Variants in PRAMEF11 observed in about 807,000 individuals in gnomAD.
PRAMEF11 encodes PRAME family member 11.
In PRAMEF11, 17 loss-of-function variants were observed where a neutral mutation model predicts 33.6. The observed-to-expected ratio is 0.51, with a 90% CI of 0.35 to 0.76. The LOEUF is 0.76. PRAMEF11 is among the 30% of genes least tolerant of loss of function. PRAMEF11 has a pLI of 0.01. For synonymous variants in PRAMEF11, 205 were observed against 227.3 expected, an observed-to-expected ratio of 0.90 and a Z score of 0.88; for missense variants, 568 against 567.0, an observed-to-expected ratio of 1.00 and a Z score of -0.02.
intron 2 of PRAMEF11, among the ~76,000 whole-genome samples, chr1:12,828,136 C>G (rs1291957766): frequency 5.3e-5 from 8 of 149,760 alleles, no homozygotes; most frequent in African/African-American, 1.7e-4. Context: ...CAGGAACCCA[C>G]CACCATGCCC....
rs954492015 is a variant in PRAMEF11, at chr1:12,828,428, C to G, written c.293+69G>C. 37 of 1,518,168 alleles carry G rather than the reference C, an allele frequency of 2.4e-5. No homozygotes were observed. The Admixed American group carries it at 6.7e-4, about 27-fold the overall frequency. The allele number at this position is 1,518,168 out of a possible 1,614,324, so 94.0% of individuals were successfully genotyped here. A position where few individuals can be genotyped will look rare whatever the true frequency, so the allele number is the denominator to read the frequency against. ...CCATCCCCCTTGGGCCTCCTCACTT[C>G]ACATGACCCAGCTGTTCCTTCAGTT... On this transcript the variant is annotated intron_variant, in intron 2 of 3. Coordinates refer to ENST00000619922, the MANE Select transcript of PRAMEF11 (RefSeq NM_001146344.3).
In PRAMEF11 at chr1:12,827,596, C is replaced by T. The variant is rs1447615796; in HGVS notation, c.528G>A (p.Arg176=). 1.2e-6 allele frequency: 2 copies of T among 1,609,386 alleles called. No homozygotes were observed. Among genetic ancestry groups the T allele is most frequent in the Admixed American group, 3.4e-5 (2 of 59,572 alleles). Residue 176 remains arginine, a synonymous_variant, in exon 3 of 4, where the codon AGG becomes AGA. Coordinates refer to ENST00000619922, the MANE Select transcript of PRAMEF11 (RefSeq NM_001146344.3). ...TACAGCACAGGTGTAGTAAATCTCT[C>T]CTCTGCTTGACCCATAGAAGGAGGC... is the stretch of plus-strand genomic sequence containing the variant. ...LTCLLLWVKQ[R]RDLLHLCCKK...
Position 12,829,800 on chromosome 1 carries a change from G to A in PRAMEF11, c.-16-995C>T, listed in dbSNP as rs565881881. Among the ~76,000 whole-genome samples, 3 of 151,220 alleles carry A rather than the reference G, an allele frequency of 2.0e-5. No individual in the cohort carries two copies. In the South Asian group the frequency reaches 6.4e-4, roughly 32 times the overall value. On this transcript the variant is annotated intron_variant, in intron 1 of 3. Transcript: ENST00000619922. ...AGGTAGGAGGATCACTTGAACCCAG[G>A]AGGCAGAAGTTGCAGTGAGCTGACA...
intron 1 of PRAMEF11, among the ~76,000 whole-genome samples, chr1:12,830,999 C>A (rs1407292969): frequency 2.3e-5 from 3 of 132,280 alleles, no homozygotes; most frequent in African/African-American, 5.6e-5. Context: ...TCCCCACCCT[C>A]AAAAAAAAAA....
intron 2 of PRAMEF11, 135 bp from the exon 3 acceptor site, chr1:12,827,965 T>G: frequency 6.7e-7 from 1 of 1,497,212 alleles, no homozygotes. Context: ...GTTTTCCCCT[T>G]GGATCCTACC....
At chr1:12,826,513 G>T (rs1225053876) in intron 3 of PRAMEF11, among the ~76,000 whole-genome samples, 2 of 151,104 alleles carry the variant, frequency 1.3e-5, no homozygotes, top group Non-Finnish European at 3.0e-5. Flanking sequence ...TATAATCCCA[G>T]CACTTTGGGA....
Position 12,827,813 on chromosome 1 carries a change from A to G in PRAMEF11, c.311T>C (p.Val104Ala), listed in dbSNP as rs1176291207. ...CTCACAGACATCCTGTAAATCCAGC[A>G]CTTGAAGTTTCCATCTCCTGTGGGA... ...GVRPRRWKLQ[V>A]LDLQDVCENF... The change falls in exon 3 of 4, where the codon GTG (valine) becomes GCG (alanine). Residue 104 changes from valine (V) to alanine (A), a missense_variant. Transcript: ENST00000619922. The G allele has an allele frequency of 1.2e-5, 20 of 1,607,318 alleles. 1 individual carries two copies. The highest frequency in any genetic ancestry group is 1.5e-5 in the Non-Finnish European group (18 of 1,177,826).
Position 12,826,595 on chromosome 1 carries a change from C to G in PRAMEF11, c.875+654G>C, listed in dbSNP as rs1639872378. On this transcript the variant is annotated intron_variant, in intron 3 of 3. Transcript: ENST00000619922. ...TGGCCAAAATGGTGAAAACCTGTCT[C>G]TACTTAAAATATAAAAATTAGCCAG... Among the ~76,000 whole-genome samples, 8 of 151,074 alleles carry G rather than the reference C, an allele frequency of 5.3e-5. No individual in the cohort carries two copies. The South Asian group carries it at 1.7e-3, about 32-fold the overall frequency.
intron 1 of PRAMEF11, among the ~76,000 whole-genome samples, chr1:12,829,447 C>A (rs1389284070): frequency 1.3e-5 from 2 of 150,716 alleles, no homozygotes; most frequent in Non-Finnish European, 3.0e-5. Context: ...TGTCACCCAG[C>A]CTGGAGTGTA....
At chr1:12,829,726 A>T (rs1300176713) in intron 1 of PRAMEF11, among the ~76,000 whole-genome samples, 2 of 151,256 alleles carry the variant, frequency 1.3e-5, no homozygotes, top group African/African-American at 2.4e-5. Context: ...TGAAAATTTC[A>T]GTGAGATGCA....
rs756514383 is a variant in PRAMEF11 at position 12,827,592 on chromosome 1, C to T, written c.532G>A (p.Asp178Asn). The T allele has an allele frequency of 2.5e-6, 4 of 1,609,482 alleles. No individual in the cohort carries two copies. The highest frequency in any genetic ancestry group is 4.5e-5 in the East Asian group (2 of 44,382). The change falls in exon 3 of 4, where the codon GAT (aspartate) becomes AAT (asparagine). Residue 178 changes from aspartate to asparagine, a missense_variant. Physicochemically the swap from Asp to Asn is conservative, Grantham distance 23 (BLOSUM62 1). This residue lies in a region of PRAMEF11 where 342 missense variants were observed against 312.0 expected (regional missense o/e 1.10). Transcript: ENST00000619922. ...CLLLWVKQRR[D>N]LLHLCCKKLK... ...TTCTTACAGCACAGGTGTAGTAAAT[C>T]TCTCCTCTGCTTGACCCATAGAAGG...
rs377190359 is a variant in PRAMEF11 at position 12,825,199 on chromosome 1, T to C, written c.1180A>G (p.Met394Val). ...TFSFCGNPIC[M>V]ATLENLLSHT... ...CTCAGCAGGTTCTCCAGGGTGGCCATGCAGATGGGATTTCCACAGAAGCTG... is the reference window on the plus strand; with the variant it reads ...CTCAGCAGGTTCTCCAGGGTGGCCACGCAGATGGGATTTCCACAGAAGCTG... The change falls in exon 4 of 4, where the codon ATG (methionine) becomes GTG (valine). Residue 394 changes from methionine (M) to valine (V), a missense_variant. By Grantham distance (21) the Met-to-Val change is conservative. Coordinates refer to ENST00000619922, the MANE Select transcript of PRAMEF11 (RefSeq NM_001146344.3). 1.9e-6 allele frequency: 3 copies of C among 1,607,930 alleles called. No homozygotes were observed. The highest frequency in any genetic ancestry group is 2.5e-6 in the Non-Finnish European group (3 of 1,177,666).
At chr1:12,830,029 T>C (rs201683436) in intron 1 of PRAMEF11, among the ~76,000 whole-genome samples, 2 of 151,482 alleles carry the variant, frequency 1.3e-5, no homozygotes, top group Non-Finnish European at 2.9e-5. Flanking sequence ...ACTCATTCAC[T>C]GATTCCCTTC....
Position 12,825,032 on chromosome 1 carries a change from G to A in PRAMEF11, c.1347C>T (p.His449=), listed in dbSNP as rs758677163. The A allele has an allele frequency of 1.1e-4, 184 of 1,609,626 alleles. 11 individuals are homozygous for A. In the Admixed American group the frequency reaches 3.0e-3, roughly 27 times the overall value. ...ELMKKVRHLR[H]PKRILFCTDN... ...CAGTACAGAACAAGATCCTCTTGGGGTGCCTTAAGTGCCTCACTTTCTTCA... is the reference window on the plus strand; with the variant it reads ...CAGTACAGAACAAGATCCTCTTGGGATGCCTTAAGTGCCTCACTTTCTTCA... The change falls in exon 4 of 4, where the codon CAC becomes CAT. Residue 449 remains histidine (H), a synonymous_variant. Coordinates refer to ENST00000619922, the MANE Select transcript of PRAMEF11 (RefSeq NM_001146344.3).
intron 2 of PRAMEF11, 84 bp from the exon 3 acceptor site, chr1:12,827,914 C>A: frequency 6.3e-7 from 1 of 1,587,972 alleles, no homozygotes; most frequent in Non-Finnish European, 8.5e-7. Flanking sequence ...AGCTCCTCCC[C>A]TCCCTGCTTG....
chr1:12,825,972 A>T (rs77298878), intron 3 of PRAMEF11, among the ~76,000 whole-genome samples: 3 of 55,948 alleles, frequency 5.4e-5, no homozygotes, highest in Non-Finnish European at 1.1e-4. Context: ...ATACTCTATT[A>T]AAAAAAAAAA....
rs761683274 is a variant in PRAMEF11 at position 12,828,538 on chromosome 1, G to A, written c.252C>T (p.Leu84=). ...MPCLEAFQAV[L]DGLDALLTQG... is the part of the protein sequence containing the mutation. ...GGGTAAGCAGTGCATCCAGCCCATC[G>A]AGCACAGCTTGGAAGGCCTCCAGAC... The change falls in exon 2 of 4, where the codon CTC becomes CTT. Residue 84 remains leucine (L), a synonymous_variant. Coordinates refer to ENST00000619922, the MANE Select transcript of PRAMEF11 (RefSeq NM_001146344.3). 2 of 1,603,446 alleles carry A rather than the reference G, an allele frequency of 1.2e-6. No homozygotes were observed. Among genetic ancestry groups the A allele is most frequent in the Non-Finnish European group, 8.5e-7 (1 of 1,174,668 alleles).
Position 12,828,707 on chromosome 1 carries a change from G to C in PRAMEF11, c.83C>G (p.Ser28Cys), listed in dbSNP as rs1189406880. Residue 28 changes from serine (S) to cysteine (C), a missense_variant, in exon 2 of 4, where the codon TCC becomes TGC. Physicochemically the swap from Ser to Cys is moderately radical, Grantham distance 112. Transcript: ENST00000619922. Reference protein sequence around the residue: ...SLLRDQALAVSTLEELPTELF... With the variant: ...SLLRDQALAVCTLEELPTELF... Reference sequence around the variant, plus strand: ...TTCCGTGGGCAGCTCCTCCAGGGTGGAGACGGCCAAGGCTTGGTCCCTCAG... The same window carrying C: ...TTCCGTGGGCAGCTCCTCCAGGGTGCAGACGGCCAAGGCTTGGTCCCTCAG... 2 of 1,610,336 alleles carry C rather than the reference G, an allele frequency of 1.2e-6. 1 individual carries two copies. The highest frequency in any genetic ancestry group is 2.7e-5 in the African/African-American group (2 of 74,744).
chr1:12,828,569 A>G lies in PRAMEF11; in HGVS notation c.221T>C (p.Met74Thr), dbSNP rs749323634. Reference protein sequence around the residue: ...RRLPLRPLIKMPCLEAFQAVL... With the variant: ...RRLPLRPLIKTPCLEAFQAVL... ...AGCTTGGAAGGCCTCCAGACAAGGC[A>G]TCTTTATCAGAGGCCTCAGAGGGAG... is the stretch of plus-strand genomic sequence containing the variant. Residue 74 changes from methionine to threonine, a missense_variant, in exon 2 of 4, where the codon ATG (methionine) becomes ACG (threonine). Around this residue, in one of 3 missense-constraint regions of PRAMEF11, gnomAD observed 342 missense variants for 312.0 expected, o/e 1.10. Coordinates refer to ENST00000619922, the MANE Select transcript of PRAMEF11 (RefSeq NM_001146344.3). 69 of 1,605,932 alleles carry G rather than the reference A, an allele frequency of 4.3e-5. 2 individuals are homozygous for G. Among genetic ancestry groups the G allele is most frequent in the Non-Finnish European group, 5.0e-5 (59 of 1,176,180 alleles).
Sources: gnomAD v4.1 joint callset for allele counts (sites outside exome capture counted in the v4.1 genomes callset) on GRCh38, gnomAD v4.1.1 for gene constraint, gnomAD v4.1.1 regional missense constraint, MANE v1.5 for transcripts, NCBI Gene and HGNC (gene_info 2026-07-23, HGNC 2026-07-21) for gene names.